The following JMJD1C variants were observed in gnomAD, a reference collection of about 807,000 sequenced individuals.
JMJD1C encodes jumonji domain-containing protein 1C.
Under a neutral mutation model 245.3 loss-of-function variants are expected in JMJD1C, and 31 were observed. The observed-to-expected ratio is 0.13, with a 90% confidence interval of 0.09 to 0.17. The LOEUF (loss-of-function observed/expected upper bound fraction) is 0.17, where lower values mean the gene tolerates loss of function less well. Ranked by LOEUF, JMJD1C falls within the 10% of genes least tolerant of loss-of-function variation. The pLI, the probability that JMJD1C is intolerant of heterozygous loss-of-function variation, is 1.00. For missense variants in JMJD1C, 2,691 were observed against 3,000.2 expected (o/e 0.90, Z 2.41); for synonymous variants, 1,057 against 1,017.4 (o/e 1.04, Z -0.74).
At chr10:63,501,732 C>T (rs1176616247) in intron 1 of JMJD1C, among the ~76,000 whole-genome samples, 3 of 151,872 alleles carry the variant, frequency 2.0e-5, no homozygotes, top group Non-Finnish European at 4.4e-5. Flanking sequence ...GCCAAGGTCG[C>T]GCCACTGCAC....
chr10:63,270,583 C>T (rs866872464), intron 2 of JMJD1C, among the ~76,000 whole-genome samples: 9 of 152,040 alleles, frequency 5.9e-5, no homozygotes, highest in Non-Finnish European at 1.2e-4. Flanking sequence ...CCTCCGACCT[C>T]AGCCTGCCAT....
chr10:63,512,555 TG>T (rs976187383), intron 1 of JMJD1C, among the ~76,000 whole-genome samples: 3 of 152,296 alleles, frequency 2.0e-5, no homozygotes, highest in Non-Finnish European at 4.4e-5. Flanking sequence ...AGAAGTTGGA[TG>T]TAATTTTTAT....
chr10:63,453,340 A>T (rs778848560), intron 1 of JMJD1C, among the ~76,000 whole-genome samples: 36 of 152,286 alleles, frequency 2.4e-4, no homozygotes, highest in Middle Eastern at 3.4e-3. Flanking sequence ...AATAAGAAAA[A>T]TTTTTTAAAG....
chr10:63,181,527 A>T (rs915007590), intron 22 of JMJD1C, among the ~76,000 whole-genome samples: 1 of 152,242 alleles, frequency 6.6e-6, no homozygotes, highest in Non-Finnish European at 1.5e-5. Flanking sequence ...AGTATTTTTC[A>T]ATGTGTTTGA....
At chr10:63,413,633 G>A (rs922947881) in intron 1 of JMJD1C, among the ~76,000 whole-genome samples, 4 of 152,122 alleles carry the variant, frequency 2.6e-5, no homozygotes, top group Non-Finnish European at 4.4e-5. Context: ...GACAAAAAAC[G>A]GTTATCAAGC....
At chr10:63,302,940 T>C (rs1860275083) in intron 2 of JMJD1C, among the ~76,000 whole-genome samples, 2 of 152,228 alleles carry the variant, frequency 1.3e-5, no homozygotes, top group South Asian at 4.1e-4. Flanking sequence ...AGTCTTACTC[T>C]GTTGCCTATC....
At chr10:63,331,116 T>G (rs560347133) in intron 2 of JMJD1C, among the ~76,000 whole-genome samples, 2 of 152,324 alleles carry the variant, frequency 1.3e-5, no homozygotes, top group Non-Finnish European at 2.9e-5. Flanking sequence ...AATGCTAGTA[T>G]CTCCAACATT....
chr10:63,269,793 T>C (rs1055293162), intron 2 of JMJD1C, among the ~76,000 whole-genome samples: 4 of 152,198 alleles, frequency 2.6e-5, no homozygotes, highest in Non-Finnish European at 4.4e-5. Flanking sequence ...AAGATACAAT[T>C]TGAAAGCATA....
chr10:63,355,956 C>T (rs1170746120), intron 2 of JMJD1C, among the ~76,000 whole-genome samples: 1 of 152,128 alleles, frequency 6.6e-6, no homozygotes, highest in Non-Finnish European at 1.5e-5. Flanking sequence ...ATAAATTCAT[C>T]TTGTGTTCCA....
intron 24 of JMJD1C, among the ~76,000 whole-genome samples, chr10:63,175,125 T>C (rs932122559): frequency 6.6e-6 from 1 of 152,220 alleles, no homozygotes; most frequent in Non-Finnish European, 1.5e-5. Context: ...ATTATTCCTA[T>C]GTACAAAAAG....
intron 2 of JMJD1C, among the ~76,000 whole-genome samples, chr10:63,332,947 C>T (rs917879975): frequency 4.6e-5 from 7 of 152,026 alleles, no homozygotes; most frequent in African/African-American, 1.7e-4. Context: ...TATCAGACCA[C>T]AATACATACC....
intron 1 of JMJD1C, among the ~76,000 whole-genome samples, chr10:63,502,297 C>G (rs1420955145): frequency 2.6e-5 from 4 of 152,136 alleles, no homozygotes; most frequent in Non-Finnish European, 4.4e-5. Context: ...CTTGTTTGTG[C>G]TCACTGAAAC....
chr10:63,168,292 CAATTA>C, intron 25 of JMJD1C, 138 bp downstream of exon 25: 1 of 995,054 alleles, frequency 1.0e-6, no homozygotes, highest in East Asian at 2.4e-5. Context: ...ATAAATCATA[CAATTA>C]AATACATGTT....
chr10:63,333,449 T>C (rs544511092), intron 2 of JMJD1C, among the ~76,000 whole-genome samples: 26 of 152,142 alleles, frequency 1.7e-4, no homozygotes, highest in Admixed American at 1.5e-3. Context: ...CTTAGGGGAC[T>C]GGAGCAGGTG....
At chr10:63,181,958 C>T (rs1843543180) in intron 22 of JMJD1C, among the ~76,000 whole-genome samples, 1 of 152,064 alleles carries the variant, frequency 6.6e-6, no homozygotes, top group South Asian at 2.1e-4. Context: ...GGGGTGGTTA[C>T]CTATTATAGT....
chr10:63,517,786 C>CTTT (rs11361305), intron 1 of JMJD1C, among the ~76,000 whole-genome samples: 24 of 72,546 alleles, frequency 3.3e-4, no homozygotes, highest in Non-Finnish European at 4.6e-4. Context: ...CTAATGGCCA[C>CTTT]TTTTTTTTTT....
intron 3 of JMJD1C, among the ~76,000 whole-genome samples, chr10:63,252,932 T>A (rs554391418): frequency 5.3e-5 from 8 of 152,334 alleles, no homozygotes; most frequent in African/African-American, 1.7e-4. Flanking sequence ...TGCCTATATG[T>A]TATAGCTCAG....
intron 2 of JMJD1C, among the ~76,000 whole-genome samples, chr10:63,303,622 C>A (rs1589428431): frequency 6.6e-6 from 1 of 152,106 alleles, no homozygotes; most frequent in Non-Finnish European, 1.5e-5. Flanking sequence ...TGCTTTTAAT[C>A]AATCCCAGTG....
chr10:63,209,265 CT>C (rs1239684266), intron 8 of JMJD1C, 30 bp from the exon 9 acceptor site: 1 of 1,563,506 alleles, frequency 6.4e-7, no homozygotes, highest in Admixed American at 1.9e-5. Context: ...AAAAAAACAC[CT>C]AGATTTCAGT....
Sources: allele counts gnomAD v4.1 joint callset (sites outside exome capture counted in the v4.1 genomes callset), GRCh38; gene constraint gnomAD v4.1.1; transcripts MANE v1.5; gene names NCBI Gene and HGNC (gene_info 2026-07-23, HGNC 2026-07-21).